Variants in RCOR1 observed in about 807,000 individuals in gnomAD.
RCOR1 encodes the protein REST corepressor.
Under a neutral mutation model 64.0 loss-of-function variants are expected in RCOR1, and 12 were observed. The ratio of observed to expected loss-of-function variants is 0.19; its 90% CI spans 0.12 to 0.30. The LOEUF is 0.30. Ranked by LOEUF, RCOR1 falls within the 10% of genes least tolerant of loss-of-function variation. The probability of loss-of-function intolerance (pLI) is 1.00; values close to 1 mark genes in which losing one functional copy is unlikely to be tolerated. For synonymous variants in RCOR1, 279 were observed against 227.2 expected (o/e 1.23, Z -2.05); for missense variants, 502 against 621.2 (o/e 0.81, Z 2.04).
At chr14:102,614,855 G>A (rs1203681877) in intron 2 of RCOR1, among the ~76,000 whole-genome samples, 2 of 148,828 alleles carry the variant, frequency 1.3e-5, no homozygotes, top group Admixed American at 6.7e-5. Flanking sequence ...TTTTTGAGAC[G>A]GAGTCTCGCT....
At chr14:102,697,403 C>CT (rs1895671209) in intron 3 of RCOR1, among the ~76,000 whole-genome samples, 1 of 152,146 alleles carries the variant, frequency 6.6e-6, no homozygotes, top group African/African-American at 2.4e-5. Flanking sequence ...CCTGTGCTGC[C>CT]TTTTATCTTG....
chr14:102,606,907 T>C (rs1893521443), intron 2 of RCOR1, among the ~76,000 whole-genome samples: 1 of 149,938 alleles, frequency 6.7e-6, no homozygotes, highest in African/African-American at 2.4e-5. Context: ...TGTTTTTGTT[T>C]TTTTGATTTT....
chr14:102,681,447 A>C (rs1895301770), intron 2 of RCOR1, among the ~76,000 whole-genome samples: 1 of 152,240 alleles, frequency 6.6e-6, no homozygotes, highest in Non-Finnish European at 1.5e-5. Flanking sequence ...ATTAGTATGC[A>C]TTTTAGAAGT....
chr14:102,595,468 C>G (rs533454909), intron 2 of RCOR1, among the ~76,000 whole-genome samples: 1 of 152,280 alleles, frequency 6.6e-6, no homozygotes, highest in South Asian at 2.1e-4. Flanking sequence ...GCACTCCAGC[C>G]TGGGTGACAG....
chr14:102,610,441 A>G (rs1893605669), intron 2 of RCOR1, among the ~76,000 whole-genome samples: 1 of 152,152 alleles, frequency 6.6e-6, no homozygotes, highest in African/African-American at 2.4e-5. Context: ...ATATATAGCT[A>G]GTAGGTGCCA....
rs139497610 is a variant in RCOR1, at chr14:102,718,792, G to A, written c.1054-2215G>A. On this transcript the variant is annotated intron_variant, in intron 8 of 11. Transcript: ENST00000262241. ...AGATGTTTGGCGGGGGGAAGGGGGCGTATTTTGTTTTTTGGAGACAGGATC... is the reference window on the plus strand; with the variant it reads ...AGATGTTTGGCGGGGGGAAGGGGGCATATTTTGTTTTTTGGAGACAGGATC... Among the ~76,000 whole-genome samples the A allele has an allele frequency of 4.4e-3, 662 of 152,064 alleles. 5 individuals are homozygous for A. The highest frequency in any genetic ancestry group is 0.024 in the Middle Eastern group (7 of 294).
chr14:102,680,871 T>C (rs2139960199), intron 2 of RCOR1, among the ~76,000 whole-genome samples: 1 of 152,326 alleles, frequency 6.6e-6, no homozygotes, highest in Non-Finnish European at 1.5e-5. Context: ...ATCTACATCC[T>C]CTTCCCATCT....
chr14:102,706,114 C>CAAAAAAAAAAAAAAAAAAAAAAAAAAA (rs71119732), intron 4 of RCOR1, among the ~76,000 whole-genome samples: 1 of 21,334 alleles, frequency 4.7e-5, no homozygotes, highest in Non-Finnish European at 7.5e-5. Context: ...AACCCTGTCT[C>CAAAAAAAAAAAAAAAAAAAAAAAAAAA]AAAAAAAAAA....
chr14:102,702,511 TA>T (rs997176676), intron 4 of RCOR1, among the ~76,000 whole-genome samples: 16 of 150,678 alleles, frequency 1.1e-4, no homozygotes, highest in Admixed American at 4.6e-4. Context: ...ATTTTTAAAA[TA>T]AAAGAATAAC....
rs189857388 is a variant in RCOR1, at chr14:102,704,207, C to T, written c.498+2877C>T. Among the ~76,000 whole-genome samples the T allele has an allele frequency of 1.2e-3, 187 of 152,306 alleles. 1 individual carries two copies. The highest frequency in any genetic ancestry group is 2.2e-3 in the Non-Finnish European group (153 of 68,020). On this transcript the variant is annotated intron_variant, in intron 4 of 11. Coordinates refer to ENST00000262241, the MANE Select transcript of RCOR1 (RefSeq NM_015156.4). ...GCCTGCTTGACCCCAGGACCCAATC[C>T]TGTACTCTTCTCTAGTCATGCCACT...
chr14:102,605,173 T>C (rs1893481383), intron 2 of RCOR1, among the ~76,000 whole-genome samples: 1 of 152,146 alleles, frequency 6.6e-6, no homozygotes, highest in Non-Finnish European at 1.5e-5. Flanking sequence ...TTGGGGAATT[T>C]TATGTTTCGG....
chr14:102,600,110 G>A (rs955769491), intron 2 of RCOR1, among the ~76,000 whole-genome samples: 4 of 151,894 alleles, frequency 2.6e-5, no homozygotes, highest in Admixed American at 6.6e-5. Context: ...ACGGAGTCTC[G>A]CTCTGTCACC....
At position 102,620,611 on chromosome 14, in the gene RCOR1, A is replaced by G. The variant is rs112510489; in HGVS notation, c.361+27286A>G. 6.8e-3 allele frequency among the ~76,000 whole-genome samples: 1,029 copies of G among 152,282 alleles called. 15 individuals carry two copies. The highest frequency in any genetic ancestry group is 0.024 in the African/African-American group (982 of 41,558). On this transcript the variant is annotated intron_variant, in intron 2 of 11. Coordinates refer to ENST00000262241, the MANE Select transcript of RCOR1 (RefSeq NM_015156.4). ...ATGGTATGCATCTGTGGTCACAGCT[A>G]TTTGGGAGACTGAGCTAGGAAGATT...
chr14:102,609,330 A>C (rs902220198), intron 2 of RCOR1, among the ~76,000 whole-genome samples: 1 of 151,642 alleles, frequency 6.6e-6, no homozygotes, highest in Non-Finnish European at 1.5e-5. Flanking sequence ...GATGTGAGCC[A>C]CTGTGCCTGG....
chr14:102,710,031 G>A (rs1043270086), intron 6 of RCOR1, among the ~76,000 whole-genome samples: 1 of 152,220 alleles, frequency 6.6e-6, no homozygotes, highest in Non-Finnish European at 1.5e-5. Context: ...CTGATAAATT[G>A]TTGGCTTTCT....
chr14:102,697,146 T>G (rs1304949546), intron 3 of RCOR1, among the ~76,000 whole-genome samples: 3 of 152,238 alleles, frequency 2.0e-5, no homozygotes, highest in Admixed American at 1.3e-4. Context: ...ATGGCTATAT[T>G]CTGAGTAAAC....
intron 2 of RCOR1, among the ~76,000 whole-genome samples, chr14:102,624,119 C>G (rs1188932375): frequency 6.6e-6 from 1 of 152,080 alleles, no homozygotes; most frequent in Non-Finnish European, 1.5e-5. Context: ...TGACATGAAC[C>G]TGGGAGGCGG....
At chr14:102,617,360 C>T (rs1322774090) in intron 2 of RCOR1, among the ~76,000 whole-genome samples, 2 of 152,070 alleles carry the variant, frequency 1.3e-5, no homozygotes, top group African/African-American at 4.8e-5. Flanking sequence ...ATGTCTGTTG[C>T]CTTGCTTTCA....
intron 3 of RCOR1, among the ~76,000 whole-genome samples, chr14:102,682,806 C>A (rs1895333003): frequency 6.6e-6 from 1 of 152,148 alleles, no homozygotes; most frequent in Non-Finnish European, 1.5e-5. Flanking sequence ...TTCACAGTAA[C>A]CCAGGAGGAA....
Sources: gnomAD v4.1 joint callset for allele counts (sites outside exome capture counted in the v4.1 genomes callset) on GRCh38, gnomAD v4.1.1 for gene constraint, MANE v1.5 for transcripts, NCBI Gene and HGNC (gene_info 2026-07-23, HGNC 2026-07-21) for gene names.